PIF1: variants seen among roughly 807,000 people sequenced by gnomAD.
PIF1 encodes PIF1 5'-to-3' DNA helicase.
A neutral mutation model predicts 62.3 loss-of-function variants in PIF1; 67 were observed. That is an observed-to-expected ratio of 1.08 (90% CI 0.88 to 1.32). PIF1 has a LOEUF of 1.32. Ranked by LOEUF, PIF1 falls within the 40% of genes most tolerant of loss-of-function variation. PIF1 has a pLI of 0.00. For synonymous variants in PIF1, 364 were observed against 379.5 expected, an observed-to-expected ratio of 0.96 and a Z score of 0.47; for missense variants, 886 against 866.1, an observed-to-expected ratio of 1.02 and a Z score of -0.29.
At chr15:64,816,508 G>A (rs7180207) in intron 12 of PIF1, 66 bp downstream of exon 12, 1 of 1,595,346 alleles carries the variant, frequency 6.3e-7, no homozygotes, top group South Asian at 1.1e-5. Flanking sequence ...CTGGGCCGGC[G>A]CTCCCTCTGT....
intron 11 of PIF1, among the ~76,000 whole-genome samples, chr15:64,817,354 G>A (rs1023468098): frequency 1.3e-5 from 2 of 152,016 alleles, no homozygotes; most frequent in South Asian, 4.1e-4. Flanking sequence ...AGACCAGCCT[G>A]GCCAACATGG....
Position 64,816,287 on chromosome 15 carries a change from G to A in PIF1, c.*11C>T, listed in dbSNP as rs374723963. 5 of 1,613,776 alleles carry A rather than the reference G, an allele frequency of 3.1e-6. No homozygotes were observed. The African/African-American group carries it at 6.7e-5, about 22-fold the overall frequency. On this transcript the variant is annotated 3_prime_UTR_variant, in exon 13 of 13. Coordinates refer to ENST00000559239, the MANE Select transcript of PIF1 (RefSeq NM_001286496.2). ...ACAGGCCACCCTTTGTCTTCTCTTT[G>A]TGGGTGAGGCTCAGAGGATTGGGTC...
chr15:64,826,631 T>TATATAC (rs2084370896), upstream of PIF1, among the ~76,000 whole-genome samples: 1 of 11,602 alleles, frequency 8.6e-5, no homozygotes, highest in Non-Finnish European at 3.0e-4. Flanking sequence ...AATTTATATA[T>TATATAC]ATATATATAT....
Position 64,824,072 on chromosome 15 carries a change from C to A in PIF1, c.264G>T (p.Leu88=). The A allele has an allele frequency of 4.0e-6, 5 of 1,265,172 alleles. No individual in the cohort carries two copies. Among genetic ancestry groups the A allele is most frequent in the Non-Finnish European group, 5.0e-6 (5 of 1,006,966 alleles). 78.4% of individuals were successfully genotyped at this position (1,265,172 alleles called of 1,614,324 possible). Residue 88 remains leucine (L), a synonymous_variant, in exon 2 of 13, where the codon CTG becomes CTT. Transcript: ENST00000559239. ...CGGGGGTGTCGTGGGCGGGGAGCCG[C>A]AGGGTGCTGCGCCCGGCCTCGGCGA... ...TRFAEAGRST[L]RLPAHDTPGA... is the part of the protein sequence containing the mutation.
rs1337525973 is a variant in PIF1 at position 64,822,539 on chromosome 15, T to C, written c.630A>G (p.Glu210=). 1.2e-6 allele frequency: 2 copies of C among 1,613,970 alleles called. No homozygotes were observed. The highest frequency in any genetic ancestry group is 2.2e-5 in the East Asian group (1 of 44,860). Reference sequence around the variant, plus strand: ...GGACGGCCCTCAGCACAGCAGCCTGTTCCTCAGAAAGCTGTGGCTTGGTGG... The same window carrying C: ...GGACGGCCCTCAGCACAGCAGCCTGCTCCTCAGAAAGCTGTGGCTTGGTGG... The part of the protein sequence containing the change: ...LPSTKPQLSE[E]QAAVLRAVLK... The change falls in exon 3 of 13, where the codon GAA becomes GAG. Residue 210 remains glutamate (E), a synonymous_variant. Transcript: ENST00000559239.
At chr15:64,820,127 C>A in intron 7 of PIF1, 141 bp from the exon 8 acceptor site, 1 of 1,029,544 alleles carries the variant, frequency 9.7e-7, no homozygotes, top group Non-Finnish European at 1.4e-6. Context: ...GCTGCCCCCT[C>A]AAGCTGGCCA....
At chr15:64,825,330 G>A (rs1225956454) in intron 1 of PIF1, among the ~76,000 whole-genome samples, 1 of 152,158 alleles carries the variant, frequency 6.6e-6, no homozygotes, top group African/African-American at 2.4e-5. Context: ...CGTGGAAACA[G>A]GCTAAGAGAG....
At position 64,824,090 on chromosome 15, in the gene PIF1, C is replaced by T; in HGVS notation, c.246G>A (p.Glu82=). The T allele has an allele frequency of 2.4e-6, 3 of 1,267,418 alleles. No homozygotes were observed. Among genetic ancestry groups the T allele is most frequent in the Non-Finnish European group, 3.0e-6 (3 of 1,007,960 alleles). 78.5% of individuals were successfully genotyped at this position (1,267,418 alleles called of 1,614,324 possible). A position where few individuals can be genotyped will look rare whatever the true frequency, so the allele number is the denominator to read the frequency against. ...GGAGCCGCAGGGTGCTGCGCCCGGCCTCGGCGAAACGCGTGAAGAGGCGCG... is the reference window on the plus strand; with the variant it reads ...GGAGCCGCAGGGTGCTGCGCCCGGCTTCGGCGAAACGCGTGAAGAGGCGCG... ...RAARLFTRFA[E]AGRSTLRLPA... The change falls in exon 2 of 13, where the codon GAG becomes GAA. Residue 82 remains glutamate, a synonymous_variant. Coordinates refer to ENST00000559239, the MANE Select transcript of PIF1 (RefSeq NM_001286496.2).
At position 64,824,050 on chromosome 15, in the gene PIF1, G is replaced by T; in HGVS notation, c.286C>A (p.Pro96Thr). ...AGCAGCTGCACTGCGCCGGCCCCGG[G>T]GGTGTCGTGGGCGGGGAGCCGCAGG... ...STLRLPAHDT[P>T]GAGAVQLLLS... Residue 96 changes from proline (P) to threonine (T), a missense_variant, in exon 2 of 13, where the codon CCC becomes ACC. Coordinates refer to ENST00000559239, the MANE Select transcript of PIF1 (RefSeq NM_001286496.2). 1 of 1,264,828 alleles carries T rather than the reference G, an allele frequency of 7.9e-7. No homozygotes were observed. The highest frequency in any genetic ancestry group is 9.9e-7 in the Non-Finnish European group (1 of 1,006,576). 78.4% of individuals were successfully genotyped at this position (1,264,828 alleles called of 1,614,324 possible).
At chr15:64,819,767 A>T in intron 8 of PIF1, 80 bp downstream of exon 8, 1 of 1,587,256 alleles carries the variant, frequency 6.3e-7, no homozygotes, top group Non-Finnish European at 8.5e-7. Context: ...CCTAGGACCC[A>T]GAGGCCCAGG....
In PIF1 at chr15:64,824,326, C is replaced by G; in HGVS notation, c.10G>C (p.Gly4Arg). 1 of 1,253,302 alleles carries G rather than the reference C, an allele frequency of 8.0e-7. No homozygotes were observed. Among genetic ancestry groups the G allele is most frequent in the Non-Finnish European group, 1.0e-6 (1 of 997,810 alleles). The allele number at this position is 1,253,302 out of a possible 1,614,324, so 77.6% of individuals were successfully genotyped here. A position where few individuals can be genotyped will look rare whatever the true frequency, so the allele number is the denominator to read the frequency against. Residue 4 changes from glycine (G) to arginine (R), a missense_variant, in exon 2 of 13, where the codon GGC becomes CGC. By Grantham distance (125) the Gly-to-Arg change is moderately radical (BLOSUM62 -2). Coordinates refer to ENST00000559239, the MANE Select transcript of PIF1 (RefSeq NM_001286496.2). MLS[G>R]IEAAAGEYED... ...TATTCCCCTGCCGCCGCCTCTATGC[C>G]CGAGAGCATCGTCACCGCCTCTGCT...
At position 64,824,173 on chromosome 15, in the gene PIF1, G is replaced by C. The variant is rs1056397253; in HGVS notation, c.163C>G (p.Leu55Val). Residue 55 changes from leucine (L) to valine (V), a missense_variant, in exon 2 of 13, where the codon CTG (leucine) becomes GTG (valine). By Grantham distance (32) the Leu-to-Val change is conservative (BLOSUM62 1). Transcript: ENST00000559239. Reference sequence around the variant, plus strand: ...GCGGGCCCTGGCGCTTGCAGCCGCAGCATCAACTCGCGGCGCTCGTTGCGA... The same window carrying C: ...GCGGGCCCTGGCGCTTGCAGCCGCACCATCAACTCGCGGCGCTCGTTGCGA... ...LGRNERRELM[L>V]RLQAPGPAGR... 4.5e-6 allele frequency: 6 copies of C among 1,332,006 alleles called. No homozygotes were observed. The highest frequency in any genetic ancestry group is 5.8e-6 in the Non-Finnish European group (6 of 1,038,442). 82.5% of individuals were successfully genotyped at this position (1,332,006 alleles called of 1,614,324 possible). A position where few individuals can be genotyped will look rare whatever the true frequency, so the allele number is the denominator to read the frequency against.
chr15:64,820,832 A>G, intron 7 of PIF1, 150 bp downstream of exon 7: 2 of 676,422 alleles, frequency 3.0e-6, no homozygotes, highest in Non-Finnish European at 2.6e-6. Context: ...TGAGTTGTCC[A>G]GTGCCCTGCC....
rs545398750 is a variant in PIF1, at chr15:64,816,791, A to G, written c.1675-26T>C. 4 of 1,556,866 alleles carry G rather than the reference A, an allele frequency of 2.6e-6. No homozygotes were observed. The East Asian group carries it at 6.8e-5, about 26-fold the overall frequency. ...CTGGGGGATGCAGGGACAGAGATGG[A>G]GTCAGCTCAGCCTTAAGTCCCTTGC... On this transcript the variant is annotated intron_variant, in intron 11 of 12. Transcript: ENST00000559239.
rs2084261592 is a variant in PIF1 at position 64,819,934 on chromosome 15, C to T, written c.1246G>A (p.Gly416Arg). 1 of 1,614,118 alleles carries T rather than the reference C, an allele frequency of 6.2e-7. No homozygotes were observed. Among genetic ancestry groups the T allele is most frequent in the African/African-American group, 1.3e-5 (1 of 74,954 alleles). ...QLQATASHKV[G>R]RDGIVATRLC... Reference sequence around the variant, plus strand: ...CTCGTGGCCACAATCCCATCTCGCCCCACCTTGTGGGAAGCTGTGGCCTGG... The same window carrying T: ...CTCGTGGCCACAATCCCATCTCGCCTCACCTTGTGGGAAGCTGTGGCCTGG... The change falls in exon 8 of 13, where the codon GGG becomes AGG. Residue 416 changes from glycine (G) to arginine (R), a missense_variant. Coordinates refer to ENST00000559239, the MANE Select transcript of PIF1 (RefSeq NM_001286496.2).
chr15:64,823,720 G>C, intron 2 of PIF1, 58 bp downstream of exon 2: 1 of 1,233,490 alleles, frequency 8.1e-7, no homozygotes, highest in Non-Finnish European at 1.0e-6. Flanking sequence ...CTAGGTCTCT[G>C]CCATCTTAAA....
intron 11 of PIF1, among the ~76,000 whole-genome samples, chr15:64,817,612 C>T (rs886846401): frequency 4.0e-5 from 6 of 151,306 alleles, no homozygotes; most frequent in Admixed American, 4.0e-4. Context: ...ACCTGTAATC[C>T]CAGCACTTTG....
At chr15:64,826,104 C>G (rs888641878), upstream of PIF1, among the ~76,000 whole-genome samples, 3 of 152,054 alleles carry the variant, frequency 2.0e-5, no homozygotes, top group Non-Finnish European at 4.4e-5. Flanking sequence ...AAGGCCTGCC[C>G]AATCCCTCCC....
At chr15:64,822,425 T>G (rs748478402) in intron 3 of PIF1, 34 bp from the exon 4 acceptor site, 1 of 1,614,126 alleles carries the variant, frequency 6.2e-7, no homozygotes, top group Non-Finnish European at 8.5e-7. Context: ...GGTCTCCCTG[T>G]TCCTCTATCC....
Sources: gnomAD v4.1 joint callset for allele counts (sites outside exome capture counted in the v4.1 genomes callset) on GRCh38, gnomAD v4.1.1 for gene constraint, MANE v1.5 for transcripts, NCBI Gene and HGNC (gene_info 2026-07-23, HGNC 2026-07-21) for gene names.